NAALADL2: variants seen among roughly 807,000 people sequenced by gnomAD.
NAALADL2 encodes the protein N-acetylated alpha-linked acidic dipeptidase like 2, also known as inactive N-acetylated-alpha-linked acidic dipeptidase-like protein 2.
NAALADL2 carries 76 observed loss-of-function variants against 87.2 expected under a neutral mutation model. That is an observed-to-expected ratio of 0.87 (90% CI 0.72 to 1.05). NAALADL2 has a LOEUF of 1.05. Among genes scored for constraint, NAALADL2 ranks in the 50% least tolerant of loss-of-function variants. NAALADL2 has a pLI of 0.00. For missense variants in NAALADL2, 1,089 were observed against 945.8 expected, an observed-to-expected ratio of 1.15 and a Z score of -1.99; for synonymous variants, 354 against 331.0, an observed-to-expected ratio of 1.07 and a Z score of -0.75.
At chr3:174,492,112 A>G (rs1289817401) in intron 1 of NAALADL2, among the ~76,000 whole-genome samples, 1 of 152,000 alleles carries the variant, frequency 6.6e-6, no homozygotes, top group Admixed American at 6.6e-5. Flanking sequence ...ACTATTAAAA[A>G]TACAAAAATT....
intron 1 of NAALADL2, among the ~76,000 whole-genome samples, chr3:175,055,991 AACAGGGG>A (rs1317573945): frequency 6.6e-6 from 1 of 152,188 alleles, no homozygotes; most frequent in Non-Finnish European, 1.5e-5. Context: ...GGTGTATTCT[AACAGGGG>A]ACTGCCAAGC....
chr3:175,052,994 A>T (rs1375726729), intron 1 of NAALADL2, among the ~76,000 whole-genome samples: 1 of 152,168 alleles, frequency 6.6e-6, no homozygotes, highest in African/African-American at 2.4e-5. Flanking sequence ...GGACCAATCA[A>T]TAATGATTCC....
At chr3:175,436,095 G>A (rs1718616231) in intron 5 of NAALADL2, among the ~76,000 whole-genome samples, 1 of 143,964 alleles carries the variant, frequency 6.9e-6, no homozygotes, top group African/African-American at 2.6e-5. Context: ...GTGAGAATAT[G>A]CGGTGTTTGG....
chr3:175,403,538 G>C (rs543824278), intron 5 of NAALADL2, among the ~76,000 whole-genome samples: 1 of 151,996 alleles, frequency 6.6e-6, no homozygotes, highest in African/African-American at 2.4e-5. Context: ...TTTTTTTTCT[G>C]TTTTCCGCCC....
At chr3:175,231,447 T>A (rs1404075210) in intron 2 of NAALADL2, among the ~76,000 whole-genome samples, 1 of 152,144 alleles carries the variant, frequency 6.6e-6, no homozygotes, top group Admixed American at 6.6e-5. Flanking sequence ...GTATACATTT[T>A]TTCACTCATT....
chr3:174,759,037 T>A (rs902832059), intron 3 of NAALADL2, among the ~76,000 whole-genome samples: 2 of 152,210 alleles, frequency 1.3e-5, no homozygotes, highest in African/African-American at 4.8e-5. Context: ...TGAAGTAGTT[T>A]CATCTACATA....
chr3:174,512,538 C>T (rs1015915576), intron 1 of NAALADL2, among the ~76,000 whole-genome samples: 7 of 152,170 alleles, frequency 4.6e-5, no homozygotes, highest in African/African-American at 1.7e-4. Flanking sequence ...TTTCTACTCA[C>T]ACGTCGGCAG....
At chr3:175,061,023 G>A (rs1433702541) in intron 1 of NAALADL2, among the ~76,000 whole-genome samples, 1 of 152,084 alleles carries the variant, frequency 6.6e-6, no homozygotes, top group South Asian at 2.1e-4. Flanking sequence ...CTCAGCCTGG[G>A]CAACAAGAGC....
intron 10 of NAALADL2, among the ~76,000 whole-genome samples, chr3:175,619,078 G>GC (rs544446445): frequency 8.0e-4 from 122 of 152,226 alleles, no homozygotes; most frequent in African/African-American, 2.8e-3. Flanking sequence ...GGTGTATGGA[G>GC]CCATTAAATT....
rs529727986 is a variant in NAALADL2 at position 175,780,163 on chromosome 3, G to C, written c.2190-22842G>C. ...TGGTGGTGGGCACCTGTAGTCCCAG[G>C]TACTCGGGAGGCTGAGGCAGGAGAA... On this transcript the variant is annotated intron_variant, in intron 13 of 13. Transcript: ENST00000454872. Among the ~76,000 whole-genome samples, 251 of 151,116 alleles carry C rather than the reference G, an allele frequency of 1.7e-3. 7 individuals carry two copies. In the East Asian group the frequency reaches 0.043, roughly 26 times the overall value.
chr3:175,010,369 G>C (rs577652981), intron 1 of NAALADL2, among the ~76,000 whole-genome samples: 62 of 152,200 alleles, frequency 4.1e-4, no homozygotes, highest in Middle Eastern at 3.4e-3. Context: ...ATTTTGCTTA[G>C]AGAACATCAC....
At chr3:175,718,321 T>C in intron 11 of NAALADL2, 2 of 1,602,090 alleles carry the variant, frequency 1.2e-6, no homozygotes, top group East Asian at 2.2e-5. Context: ...ACAACTTTGA[T>C]GCTATATGAA....
intron 3 of NAALADL2, among the ~76,000 whole-genome samples, chr3:174,741,270 A>C (rs1560186398): frequency 6.6e-6 from 1 of 151,672 alleles, no homozygotes; most frequent in Non-Finnish European, 1.5e-5. Flanking sequence ...TACCTAAATA[A>C]TGTTTTCTGA....
At chr3:174,794,258 C>T (rs1470114908) in intron 3 of NAALADL2, among the ~76,000 whole-genome samples, 1 of 151,956 alleles carries the variant, frequency 6.6e-6, no homozygotes, top group Non-Finnish European at 1.5e-5. Flanking sequence ...TACTCAATAA[C>T]TCATGAAAAA....
chr3:175,530,233 T>C (rs556338604), intron 9 of NAALADL2, among the ~76,000 whole-genome samples: 244 of 152,318 alleles, frequency 1.6e-3, no homozygotes, highest in Non-Finnish European at 2.7e-3. Flanking sequence ...GGTCACCCAT[T>C]GGTGAGCACT....
intron 1 of NAALADL2, among the ~76,000 whole-genome samples, chr3:174,976,073 G>A (rs1179850733): frequency 1.3e-5 from 2 of 152,036 alleles, no homozygotes; most frequent in African/African-American, 4.8e-5. Context: ...ATACAATTAT[G>A]TACTATAAAT....
intron 5 of NAALADL2, among the ~76,000 whole-genome samples, chr3:175,435,225 G>T (rs1476921706): frequency 6.6e-6 from 1 of 151,936 alleles, no homozygotes; most frequent in East Asian, 1.9e-4. Context: ...TGGGTAGAAA[G>T]TTCAGGTTAC....
intron 2 of NAALADL2, chr3:175,115,231 G>C (rs747596771): frequency 6.6e-5 from 10 of 151,364 alleles, no homozygotes; most frequent in Non-Finnish European, 1.2e-4. Flanking sequence ...AGCTTGCCTT[G>C]TCTGTCATAG....
chr3:175,186,059 A>G lies in NAALADL2; in HGVS notation c.546-47872A>G, dbSNP rs375469816. The stretch of plus-strand genomic sequence containing the variant: ...GTATTTCTTCCAACCTAATTGCTTA[A>G]CAGCTGGAGGTGTCAGTCAGCAACA... On this transcript the variant is annotated intron_variant, in intron 2 of 13. Coordinates refer to ENST00000454872, the MANE Select transcript of NAALADL2 (RefSeq NM_207015.3). Among the ~76,000 whole-genome samples, 3 of 152,036 alleles carry G rather than the reference A, an allele frequency of 2.0e-5. No individual in the cohort carries two copies. The East Asian group carries it at 5.8e-4, about 29-fold the overall frequency.
Sources: allele counts gnomAD v4.1 joint callset (sites outside exome capture counted in the v4.1 genomes callset), GRCh38; gene constraint gnomAD v4.1.1; transcripts MANE v1.5; gene names NCBI Gene and HGNC (gene_info 2026-07-23, HGNC 2026-07-21).